EPHA3: variants seen among roughly 807,000 people sequenced by gnomAD.
EPHA3 encodes the protein ephrin type-A receptor 3.
EPHA3 carries 42 observed loss-of-function variants against 107.1 expected under a neutral mutation model. The observed-to-expected ratio is 0.39, with a 90% CI of 0.31 to 0.51. The LOEUF is 0.51. EPHA3 is among the 20% of genes least tolerant of loss of function. The pLI, the probability that EPHA3 is intolerant of heterozygous loss-of-function variation, is 0.78. For synonymous variants in EPHA3, 461 were observed against 424.8 expected (o/e 1.09, Z -1.05); for missense variants, 1,183 against 1,211.2 (o/e 0.98, Z 0.35).
At chr3:89,278,783 A>G (rs1442764644) in intron 3 of EPHA3, among the ~76,000 whole-genome samples, 1 of 152,208 alleles carries the variant, frequency 6.6e-6, no homozygotes, top group East Asian at 1.9e-4. Context: ...CCATTGCCCC[A>G]GAGGTTTGCC....
chr3:89,356,269 T>C (rs1707953507), intron 5 of EPHA3, among the ~76,000 whole-genome samples: 1 of 150,858 alleles, frequency 6.6e-6, no homozygotes, highest in African/African-American at 2.4e-5. Context: ...GTCTTTGCTA[T>C]TGTGAATAGT....
At chr3:89,181,700 G>T (rs1313726340) in intron 2 of EPHA3, among the ~76,000 whole-genome samples, 1 of 151,838 alleles carries the variant, frequency 6.6e-6, no homozygotes, top group Non-Finnish European at 1.5e-5. Context: ...GGGGTATAGG[G>T]TATTTTTGAA....
chr3:89,474,656 A>G (rs1453545896), intron 16 of EPHA3, among the ~76,000 whole-genome samples: 2 of 152,210 alleles, frequency 1.3e-5, no homozygotes, highest in Non-Finnish European at 2.9e-5. Context: ...ATGAGGCAGA[A>G]CACTGTTGAT....
At chr3:89,239,052 T>C (rs532030257) in intron 3 of EPHA3, among the ~76,000 whole-genome samples, 2 of 152,326 alleles carry the variant, frequency 1.3e-5, no homozygotes, top group African/African-American at 4.8e-5. Flanking sequence ...CTCAAGAATA[T>C]GACGTAAGAA....
At chr3:89,357,060 A>G (rs1707975688) in intron 5 of EPHA3, among the ~76,000 whole-genome samples, 1 of 130,236 alleles carries the variant, frequency 7.7e-6, no homozygotes, top group Non-Finnish European at 1.6e-5. Context: ...GTGAGCCGAG[A>G]CTGCACCACT....
intron 3 of EPHA3, among the ~76,000 whole-genome samples, chr3:89,266,743 G>A (rs1567732): frequency 0.5 from 75,481 of 151,692 alleles, 19,741 homozygotes; most frequent in African/African-American, 0.66. Context: ...TGTTCGGACT[G>A]TAAACAATTG....
At chr3:89,189,143 A>G (rs1420393054) in intron 2 of EPHA3, among the ~76,000 whole-genome samples, 1 of 152,236 alleles carries the variant, frequency 6.6e-6, no homozygotes, top group African/African-American at 2.4e-5. Flanking sequence ...TCTCAGGAGT[A>G]TGAAGAGGAC....
chr3:89,391,082 G>C (rs1307833080), intron 5 of EPHA3, among the ~76,000 whole-genome samples: 2 of 151,926 alleles, frequency 1.3e-5, no homozygotes, highest in Admixed American at 1.3e-4. Flanking sequence ...CACTGCACCT[G>C]GCCTGAAAAG....
chr3:89,150,068 T>A (rs1281810084), intron 2 of EPHA3, among the ~76,000 whole-genome samples: 1 of 152,032 alleles, frequency 6.6e-6, no homozygotes, highest in Non-Finnish European at 1.5e-5. Context: ...CATTTCCTTG[T>A]ATCTCTGGCT....
chr3:89,398,206 T>C (rs578136095), intron 6 of EPHA3, among the ~76,000 whole-genome samples: 1 of 152,206 alleles, frequency 6.6e-6, no homozygotes, highest in South Asian at 2.1e-4. Flanking sequence ...GTTGAGGATA[T>C]ACAGCGTTTC....
At chr3:89,293,184 C>T (rs933901693) in intron 3 of EPHA3, among the ~76,000 whole-genome samples, 16 of 151,940 alleles carry the variant, frequency 1.1e-4, no homozygotes, top group East Asian at 7.7e-4. Context: ...CCTTTTTGAG[C>T]GGGGAGATTA....
At chr3:89,458,608 A>G (rs1351558948) in intron 15 of EPHA3, among the ~76,000 whole-genome samples, 1 of 152,068 alleles carries the variant, frequency 6.6e-6, no homozygotes. Flanking sequence ...TCTCTTCTAT[A>G]ATGGTTGAAC....
chr3:89,166,817 G>C (rs1289692890), intron 2 of EPHA3, among the ~76,000 whole-genome samples: 2 of 152,264 alleles, frequency 1.3e-5, no homozygotes, highest in East Asian at 3.9e-4. Flanking sequence ...TATTAAGGGG[G>C]TGCTTTTGAA....
intron 5 of EPHA3, among the ~76,000 whole-genome samples, chr3:89,370,660 T>C (rs1225352848): frequency 6.7e-6 from 1 of 150,316 alleles, no homozygotes; most frequent in East Asian, 2.0e-4. Context: ...AGTATAATAA[T>C]AATTAAAAAA....
chr3:89,477,656 C>G (rs1710544805), intron 16 of EPHA3, among the ~76,000 whole-genome samples: 1 of 151,690 alleles, frequency 6.6e-6, no homozygotes, highest in African/African-American at 2.4e-5. Context: ...CACACGTGTT[C>G]TTTTTTCCTT....
At chr3:89,202,654 T>C (rs1274118415) in intron 2 of EPHA3, among the ~76,000 whole-genome samples, 6 of 151,538 alleles carry the variant, frequency 4.0e-5, no homozygotes, top group African/African-American at 1.5e-4. Flanking sequence ...TAAAATTGAA[T>C]AAAACTGCAA....
chr3:89,352,480 C>A (rs144597459), intron 5 of EPHA3, among the ~76,000 whole-genome samples: 3 of 150,974 alleles, frequency 2.0e-5, no homozygotes, highest in Non-Finnish European at 3.0e-5. Context: ...GTTTTATGGC[C>A]TTTTATTTCA....
intron 3 of EPHA3, among the ~76,000 whole-genome samples, chr3:89,329,663 A>C (rs1300342424): frequency 6.6e-6 from 1 of 152,126 alleles, no homozygotes; most frequent in Admixed American, 6.6e-5. Flanking sequence ...AAAAATGGTT[A>C]TCTCTATATT....
At chr3:89,144,716 G>A (rs1162498062) in intron 2 of EPHA3, among the ~76,000 whole-genome samples, 6 of 151,518 alleles carry the variant, frequency 4.0e-5, no homozygotes, top group Non-Finnish European at 5.9e-5. Flanking sequence ...CTTGCTCCTC[G>A]TTTCCAAACA....
Sources: allele counts gnomAD v4.1 joint callset (sites outside exome capture counted in the v4.1 genomes callset), GRCh38; gene constraint gnomAD v4.1.1; transcripts MANE v1.5; gene names NCBI Gene and HGNC (gene_info 2026-07-23, HGNC 2026-07-21).